Variants in SENP1 observed in about 807,000 individuals in gnomAD.
SENP1 encodes the protein sentrin-specific protease 1.
A neutral mutation model predicts 93.0 loss-of-function variants in SENP1; 21 were observed. The observed-to-expected ratio is 0.23, with a 90% CI of 0.16 to 0.33. The LOEUF (loss-of-function observed/expected upper bound fraction) is 0.33, where lower values mean the gene tolerates loss of function less well. Ranked by LOEUF, SENP1 falls within the 10% of genes least tolerant of loss-of-function variation. SENP1 has a pLI of 1.00. For missense variants in SENP1, 591 were observed against 758.7 expected (o/e 0.78, Z 2.60); for synonymous variants, 256 against 259.6 (o/e 0.99, Z 0.13).
At chr12:48,070,077 G>GA (rs1943579119) in intron 9 of SENP1, among the ~76,000 whole-genome samples, 1 of 152,162 alleles carries the variant, frequency 6.6e-6, no homozygotes, top group Non-Finnish European at 1.5e-5. Flanking sequence ...GATACCTCCA[G>GA]ATAAGTAAAG....
chr12:48,090,910 A>G (rs1945186679), intron 4 of SENP1, among the ~76,000 whole-genome samples: 1 of 152,168 alleles, frequency 6.6e-6, no homozygotes, highest in African/African-American at 2.4e-5. Context: ...GGCCACATAT[A>G]GTGAGAGTTT....
intron 6 of SENP1, among the ~76,000 whole-genome samples, chr12:48,083,131 C>T (rs1944604548): frequency 6.6e-6 from 1 of 152,166 alleles, no homozygotes; most frequent in Non-Finnish European, 1.5e-5. Flanking sequence ...TCTCGAACTC[C>T]TGGGCTCAAG....
In SENP1 at chr12:48,074,432, C is replaced by A; in HGVS notation, c.832G>T (p.Asp278Tyr). Reference sequence around the variant, plus strand: ...GAATCTTTGGATCCAAATGCAACATCTGGGGTATAAGAAGATAGGGAATAT... The same window carrying A: ...GAATCTTTGGATCCAAATGCAACATATGGGGTATAAGAAGATAGGGAATAT... ...SVYSLSSYTP[D>Y]VAFGSKDSGT... is the part of the protein sequence containing the mutation. The change falls in exon 8 of 18, where the codon GAT becomes TAT. Residue 278 changes from aspartate (D) to tyrosine (Y), a missense_variant. By Grantham distance (160) the Asp-to-Tyr change is radical. Transcript: ENST00000549518. 1 of 1,613,724 alleles carries A rather than the reference C, an allele frequency of 6.2e-7. No homozygotes were observed. The highest frequency in any genetic ancestry group is 8.5e-7 in the Non-Finnish European group (1 of 1,179,730).
rs1376640089 is a variant in SENP1 at position 48,085,272 on chromosome 12, G to T, written c.381-1510C>A. The stretch of plus-strand genomic sequence containing the variant: ...CATCATCCTCATCAACCAGTACATC[G>T]CAGAGATGGTGCAGCATGCCCTGGA... On this transcript the variant is annotated intron_variant, in intron 5 of 17. Transcript: ENST00000549518. 1.9e-6 allele frequency: 3 copies of T among 1,553,730 alleles called. No individual in the cohort carries two copies. In the African/African-American group the frequency reaches 4.1e-5, roughly 21 times the overall value.
chr12:48,084,135 C>T (rs1944673646), intron 5 of SENP1, among the ~76,000 whole-genome samples: 1 of 152,164 alleles, frequency 6.6e-6, no homozygotes, highest in African/African-American at 2.4e-5. Flanking sequence ...TTCTATTATT[C>T]CCTGTACCCC....
rs116024382 is a variant in SENP1, at chr12:48,103,858, C to T, written c.-45+2170G>A. On this transcript the variant is annotated intron_variant, in intron 1 of 17. Coordinates refer to ENST00000549518, the MANE Select transcript of SENP1 (RefSeq NM_001267594.2). Reference sequence around the variant, plus strand: ...CTGCGGTGAAACACTTATAACCTTACATATATGCAAAAAGGGGATTATGAA... The same window carrying T: ...CTGCGGTGAAACACTTATAACCTTATATATATGCAAAAAGGGGATTATGAA... Among the ~76,000 whole-genome samples, 721 of 152,096 alleles carry T rather than the reference C, an allele frequency of 4.7e-3. 7 individuals are homozygous for T. The highest frequency in any genetic ancestry group is 0.016 in the African/African-American group (647 of 41,502).
At chr12:48,080,036 G>A (rs1282288022) in intron 6 of SENP1, 1 of 152,178 alleles carries the variant, frequency 6.6e-6, no homozygotes, top group Non-Finnish European at 1.5e-5. Context: ...AGCGTGTCTA[G>A]AAGCAACATG....
chr12:48,072,100 C>T (rs914835068), intron 8 of SENP1, among the ~76,000 whole-genome samples: 3 of 152,132 alleles, frequency 2.0e-5, no homozygotes, highest in Non-Finnish European at 2.9e-5. Flanking sequence ...GTTTCAGTTA[C>T]GCATAGTTAA....
At chr12:48,049,688 G>A (rs564391179) in intron 13 of SENP1, among the ~76,000 whole-genome samples, 1 of 152,284 alleles carries the variant, frequency 6.6e-6, no homozygotes, top group East Asian at 1.9e-4. Flanking sequence ...AACCCATCCT[G>A]CAGAGGCAAA....
intron 1 of SENP1, among the ~76,000 whole-genome samples, chr12:48,103,447 C>A (rs1946092455): frequency 1.3e-5 from 2 of 152,188 alleles, no homozygotes; most frequent in Admixed American, 6.5e-5. Context: ...CCTCACTAAC[C>A]CTGGGGAATC....
intron 1 of SENP1, among the ~76,000 whole-genome samples, chr12:48,104,158 A>C (rs1359960599): frequency 6.6e-6 from 1 of 150,606 alleles, no homozygotes; most frequent in Non-Finnish European, 1.5e-5. Context: ...TTGCAGTGAG[A>C]CAAGACCAAG....
intron 17 of SENP1, 105 bp downstream of exon 17, chr12:48,046,251 G>A (rs1271417293): frequency 4.1e-6 from 3 of 726,042 alleles, no homozygotes; most frequent in African/African-American, 3.5e-5. Context: ...GCATGCTAAA[G>A]GTTAGGGTAG....
chr12:48,064,954 GGCGTGA>G, intron 12 of SENP1, 105 bp downstream of exon 12: 1 of 762,288 alleles, frequency 1.3e-6, no homozygotes, highest in Non-Finnish European at 2.2e-6. Flanking sequence ...TGGGATTACA[GGCGTGA>G]GCCACCGTGC....
At chr12:48,091,633 C>G (rs1299023393) in intron 4 of SENP1, among the ~76,000 whole-genome samples, 1 of 152,092 alleles carries the variant, frequency 6.6e-6, no homozygotes, top group Non-Finnish European at 1.5e-5. Flanking sequence ...TGATTCTAAG[C>G]ACAAGCAAAA....
intron 1 of SENP1, among the ~76,000 whole-genome samples, chr12:48,103,436 C>T (rs967382146): frequency 6.6e-6 from 1 of 152,174 alleles, no homozygotes; most frequent in Non-Finnish European, 1.5e-5. Flanking sequence ...TAAAAGTAAT[C>T]CCTCACTAAC....
In SENP1 at chr12:48,049,091, T is replaced by G. The variant is rs774270654; in HGVS notation, c.1449A>C (p.Lys483Asn). ...FYMNMLMERS[K>N]EKGLPSVHAF... ...CATGCACACTTGGCAAGCCCTTCTC[T>G]TTACTTCGCTCCATCAGCATATTCA... Residue 483 changes from lysine to asparagine, a missense_variant, in exon 14 of 18, where the codon AAA (lysine) becomes AAC (asparagine). Transcript: ENST00000549518. 3.1e-6 allele frequency: 5 copies of G among 1,613,668 alleles called. No homozygotes were observed. The highest frequency in any genetic ancestry group is 4.2e-6 in the Non-Finnish European group (5 of 1,179,634).
intron 13 of SENP1, among the ~76,000 whole-genome samples, chr12:48,056,399 CATAT>C (rs1178160789): frequency 9.4e-6 from 1 of 106,490 alleles, no homozygotes; most frequent in Non-Finnish European, 1.7e-5. Context: ...GTACATATTA[CATAT>C]ATAATTATTT....
At position 48,083,579 on chromosome 12, in the gene SENP1, C is replaced by G; in HGVS notation, c.552+12G>C. 1 of 1,610,312 alleles carries G rather than the reference C, an allele frequency of 6.2e-7. No homozygotes were observed. Among genetic ancestry groups the G allele is most frequent in the Non-Finnish European group, 8.5e-7 (1 of 1,178,208 alleles). On this transcript the variant is annotated intron_variant, in intron 6 of 17. Coordinates refer to ENST00000549518, the MANE Select transcript of SENP1 (RefSeq NM_001267594.2). Reference sequence around the variant, plus strand: ...CTAACTTTTAGTAGCTTTTGTCACACGTTTTCCTTACCTCTTCTGCTGTAC... The same window carrying G: ...CTAACTTTTAGTAGCTTTTGTCACAGGTTTTCCTTACCTCTTCTGCTGTAC...
chr12:48,073,743 T>C (rs1408499056), intron 8 of SENP1, among the ~76,000 whole-genome samples: 3 of 152,212 alleles, frequency 2.0e-5, no homozygotes, highest in Admixed American at 6.5e-5. Flanking sequence ...TCAGTATTTA[T>C]CTGATGTTTC....
Sources: gnomAD v4.1 joint callset for allele counts (sites outside exome capture counted in the v4.1 genomes callset) on GRCh38, gnomAD v4.1.1 for gene constraint, MANE v1.5 for transcripts, NCBI Gene and HGNC (gene_info 2026-07-23, HGNC 2026-07-21) for gene names.